CEP85L: variants seen among roughly 807,000 people sequenced by gnomAD.
CEP85L encodes centrosomal protein of 85 kDa-like.
CEP85L carries 60 observed loss-of-function variants against 100.3 expected under a neutral mutation model. That is an observed-to-expected ratio of 0.60 (90% CI 0.49 to 0.74). The LOEUF is 0.74. Ranked by LOEUF, CEP85L falls within the 30% of genes least tolerant of loss-of-function variation. The pLI is 0.00. For synonymous variants in CEP85L, 319 were observed against 322.7 expected, an observed-to-expected ratio of 0.99 and a Z score of 0.12; for missense variants, 973 against 936.2, an observed-to-expected ratio of 1.04 and a Z score of -0.51.
At chr6:118,562,248 G>A (rs1779266649) in intron 3 of CEP85L, among the ~76,000 whole-genome samples, 1 of 152,046 alleles carries the variant, frequency 6.6e-6, no homozygotes, top group Non-Finnish European at 1.5e-5. Context: ...AAAACTTTCT[G>A]TTCACAGGAC....
At chr6:118,466,500 TA>T (rs980906332) in intron 12 of CEP85L, among the ~76,000 whole-genome samples, 37 of 152,164 alleles carry the variant, frequency 2.4e-4, no homozygotes, top group African/African-American at 8.4e-4. Context: ...TGCAGTGGCA[TA>T]AAAAAACAAA....
intron 2 of CEP85L, among the ~76,000 whole-genome samples, chr6:118,569,148 TTC>T (rs1779721798): frequency 6.6e-6 from 1 of 151,562 alleles, no homozygotes; most frequent in African/African-American, 2.4e-5. Flanking sequence ...CAAGACCACC[TTC>T]ACCAACAATA....
chr6:118,495,420 C>T (rs1033348406), intron 5 of CEP85L, among the ~76,000 whole-genome samples: 3 of 152,122 alleles, frequency 2.0e-5, no homozygotes, highest in Non-Finnish European at 4.4e-5. Flanking sequence ...CTACCGTTCT[C>T]GTGATAGCGG....
chr6:118,461,810 G>C lies in CEP85L; in HGVS notation c.*3595C>G, dbSNP rs1329123993. ...CAGTTTCAAATGATATAGTCTGAGT[G>C]AGCATGGTTATGAAAATTGCTTATT... On this transcript the variant is annotated 3_prime_UTR_variant, in exon 13 of 13. Transcript: ENST00000368491. 1 of 151,992 alleles carries C rather than the reference G, an allele frequency of 6.6e-6. No individual in the cohort carries two copies. Among genetic ancestry groups the C allele is most frequent in the Admixed American group, 6.6e-5 (1 of 15,264 alleles). 9.4% of individuals were successfully genotyped at this position (151,992 alleles called of 1,614,324 possible).
intron 2 of CEP85L, among the ~76,000 whole-genome samples, chr6:118,594,232 T>C (rs1781345918): frequency 6.6e-6 from 1 of 152,250 alleles, no homozygotes; most frequent in South Asian, 2.1e-4. Context: ...CTTATCTTTA[T>C]AAGGCTTTTG....
At chr6:118,677,744 C>T (rs1776525544) in intron 1 of CEP85L, among the ~76,000 whole-genome samples, 1 of 152,152 alleles carries the variant, frequency 6.6e-6, no homozygotes, top group Non-Finnish European at 1.5e-5. Flanking sequence ...TCCCTTTCCC[C>T]AAGCCAAAGA....
chr6:118,559,409 A>T (rs1396914739), intron 3 of CEP85L: 2 of 349,680 alleles, frequency 5.7e-6, no homozygotes. Flanking sequence ...TGCACTGCCA[A>T]CAAGTTCACT....
At chr6:118,543,580 T>C (rs1227729679) in intron 3 of CEP85L, among the ~76,000 whole-genome samples, 2 of 152,204 alleles carry the variant, frequency 1.3e-5, no homozygotes, top group Admixed American at 6.5e-5. Context: ...CTTGTATAAT[T>C]AGAAATTAAG....
At chr6:118,615,530 G>A (rs1305288264) in intron 2 of CEP85L, among the ~76,000 whole-genome samples, 2 of 151,998 alleles carry the variant, frequency 1.3e-5, no homozygotes, top group Admixed American at 1.3e-4. Flanking sequence ...TGCACGTTCC[G>A]AGAAAGATTT....
intron 5 of CEP85L, among the ~76,000 whole-genome samples, chr6:118,509,299 CGAAT>C (rs1365826950): frequency 3.3e-5 from 5 of 151,904 alleles, no homozygotes; most frequent in African/African-American, 1.2e-4. Flanking sequence ...GCCTTTATTC[CGAAT>C]GACAGAATGT....
Position 118,565,619 on chromosome 6 carries a change from T to A in CEP85L, c.930A>T (p.Glu310Asp). The stretch of plus-strand genomic sequence containing the variant: ...TGTAAGAATCCTCTGTATTTCTACC[T>A]TCCAAAGGATTTGTCCGCAGCTGCT... ...LTEQLRTNPL[E>D]GRNTEDSYSL... Residue 310 changes from glutamate (E) to aspartate (D), a missense_variant, in exon 3 of 13, where the codon GAA becomes GAT. Physicochemically the swap from Glu to Asp is conservative, Grantham distance 45. Transcript: ENST00000368491. The A allele has an allele frequency of 2.5e-6, 4 of 1,614,206 alleles. No individual in the cohort carries two copies. Among genetic ancestry groups the A allele is most frequent in the Non-Finnish European group, 3.4e-6 (4 of 1,180,020 alleles).
At chr6:118,670,355 T>C (rs2638553) in intron 1 of CEP85L, among the ~76,000 whole-genome samples, 15,415 of 151,960 alleles carry the variant, frequency 0.1, 947 homozygotes, top group African/African-American at 0.16. Flanking sequence ...ACCTGATAGA[T>C]AGTTTTTCGA....
intron 10 of CEP85L, among the ~76,000 whole-genome samples, chr6:118,478,010 C>A (rs759311183): frequency 6.6e-6 from 1 of 151,940 alleles, no homozygotes; most frequent in African/African-American, 2.4e-5. Flanking sequence ...CCATTCTTTA[C>A]GTAAGTTGAT....
rs184374400 is a variant in CEP85L at position 118,504,070 on chromosome 6, T to C, written c.1257+7228A>G. On this transcript the variant is annotated intron_variant, in intron 5 of 12. Transcript: ENST00000368491. ...AAACAAACAAACAAAAAAAACCTGT[T>C]ATCCAAAATGTACAAATAATAGGCC... Among the ~76,000 whole-genome samples, 4 of 152,214 alleles carry C rather than the reference T, an allele frequency of 2.6e-5. No homozygotes were observed. In the East Asian group the frequency reaches 7.7e-4, roughly 29 times the overall value.
At chr6:118,495,798 G>A (rs1212110384) in intron 5 of CEP85L, among the ~76,000 whole-genome samples, 1 of 152,164 alleles carries the variant, frequency 6.6e-6, no homozygotes, top group Non-Finnish European at 1.5e-5. Context: ...AAAATGAACT[G>A]ATGAAACAGC....
chr6:118,640,864 T>G (rs1562331674), intron 1 of CEP85L, among the ~76,000 whole-genome samples: 1 of 152,050 alleles, frequency 6.6e-6, no homozygotes, highest in African/African-American at 2.4e-5. Flanking sequence ...GACATATAAT[T>G]AGGATCTCAA....
chr6:118,678,542 C>T (rs1318815745), intron 1 of CEP85L, among the ~76,000 whole-genome samples: 1 of 152,214 alleles, frequency 6.6e-6, no homozygotes, highest in Non-Finnish European at 1.5e-5. Context: ...ATACCATTTA[C>T]TGAACTCTAT....
chr6:118,572,529 G>A (rs757916149), intron 2 of CEP85L, among the ~76,000 whole-genome samples: 9 of 151,570 alleles, frequency 5.9e-5, no homozygotes, highest in Admixed American at 3.3e-4. Flanking sequence ...CTGAGATTGC[G>A]CCATTGCACT....
chr6:118,561,777 T>C (rs1461527463), intron 3 of CEP85L, among the ~76,000 whole-genome samples: 3 of 152,160 alleles, frequency 2.0e-5, no homozygotes. Flanking sequence ...CTAATTATAG[T>C]TTTAATTTTA....
Sources: gnomAD v4.1 joint callset for allele counts (sites outside exome capture counted in the v4.1 genomes callset) on GRCh38, gnomAD v4.1.1 for gene constraint, MANE v1.5 for transcripts, NCBI Gene and HGNC (gene_info 2026-07-23, HGNC 2026-07-21) for gene names.